The following KNTC1 variants were observed in gnomAD, a reference collection of about 807,000 sequenced individuals.
KNTC1 encodes the protein kinetochore-associated protein 1.
KNTC1 carries 253 observed loss-of-function variants against 314.4 expected under a neutral mutation model. The observed-to-expected ratio is 0.80, with a 90% confidence interval of 0.73 to 0.89. The LOEUF (loss-of-function observed/expected upper bound fraction) is 0.89, where lower values mean the gene tolerates loss of function less well. Among genes scored for constraint, KNTC1 ranks in the 40% least tolerant of loss-of-function variants. KNTC1 has a pLI of 0.00. For synonymous variants in KNTC1, 901 were observed against 901.4 expected (o/e 1.00, Z 0.01); for missense variants, 2,475 against 2,572.9 (o/e 0.96, Z 0.82).
chr12:122,591,362 T>G lies in KNTC1; in HGVS notation c.4154T>G (p.Leu1385Arg), dbSNP rs540063427. Residue 1385 changes from leucine (L) to arginine (R), a missense_variant, in exon 42 of 64, where the codon CTG becomes CGG. Leu to Arg is a moderately radical substitution (Grantham distance 102, BLOSUM62 -2). Coordinates refer to ENST00000333479, the MANE Select transcript of KNTC1 (RefSeq NM_014708.6). Reference protein sequence around the residue: ...ILAISLVGSELASLYQEIEMG... With the variant: ...ILAISLVGSERASLYQEIEMG... ...GCAATATCTCTGGTGGGCTCTGAGC[T>G]GGCAAGTCTCTATCAGGAAATAGAA... The G allele has an allele frequency of 6.2e-7, 1 of 1,609,362 alleles. No homozygotes were observed. The highest frequency in any genetic ancestry group is 1.7e-5 in the Admixed American group (1 of 59,970).
At chr12:122,585,496 C>T in intron 36 of KNTC1, 140 bp from the exon 37 acceptor site, 4 of 836,472 alleles carry the variant, frequency 4.8e-6, no homozygotes, top group South Asian at 3.7e-5. Context: ...AAACATTGGG[C>T]CTCCAGCAAG....
Position 122,620,614 on chromosome 12 carries a change from G to A in KNTC1, c.6279+6G>A, listed in dbSNP as rs375050107. 6.5e-5 allele frequency: 104 copies of A among 1,612,238 alleles called. No homozygotes were observed. In the African/African-American group the frequency reaches 7.6e-4, roughly 12 times the overall value. Reference sequence around the variant, plus strand: ...AAAGACACCAGCAAATTAAGGTATCGTGCACATGATTCCTCTGGGCTGCCA... The same window carrying A: ...AAAGACACCAGCAAATTAAGGTATCATGCACATGATTCCTCTGGGCTGCCA... On this transcript the variant is annotated splice_donor_region_variant and intron_variant, in intron 60 of 63. Transcript: ENST00000333479.
chr12:122,541,933 T>G, intron 5 of KNTC1, 117 bp from the exon 6 acceptor site: 1 of 942,588 alleles, frequency 1.1e-6, no homozygotes, highest in African/African-American at 1.7e-5. Context: ...GCAGGAGAAT[T>G]GCACCCTAGA....
chr12:122,557,703 T>G lies in KNTC1; in HGVS notation c.1488+14T>G. The G allele has an allele frequency of 6.3e-7, 1 of 1,597,598 alleles. No individual in the cohort carries two copies. The highest frequency in any genetic ancestry group is 8.6e-7 in the Non-Finnish European group (1 of 1,169,228). On this transcript the variant is annotated intron_variant, in intron 18 of 63. Transcript: ENST00000333479. ...GCCAAAACCAGGGTAGGTTCGTTTTTTTGTATTTTGTTTTTTTGGGGCAGG... is the reference window on the plus strand; with the variant it reads ...GCCAAAACCAGGGTAGGTTCGTTTTGTTGTATTTTGTTTTTTTGGGGCAGG...
At position 122,584,454 on chromosome 12, in the gene KNTC1, A is replaced by G. The variant is rs1868940105; in HGVS notation, c.3436+4A>G. 1 of 1,594,916 alleles carries G rather than the reference A, an allele frequency of 6.3e-7. No individual in the cohort carries two copies. Among genetic ancestry groups the G allele is most frequent in the Non-Finnish European group, 8.6e-7 (1 of 1,169,240 alleles). ...GCTGCCACCATTTGCAGTCCAGGTG[A>G]CAATATTTATAATATACGTAGTTTT... On this transcript the variant is annotated splice_donor_region_variant and intron_variant, in intron 35 of 63. Coordinates refer to ENST00000333479, the MANE Select transcript of KNTC1 (RefSeq NM_014708.6).
intron 51 of KNTC1, 64 bp downstream of exon 51, chr12:122,605,479 C>A: frequency 1.3e-6 from 1 of 763,934 alleles, no homozygotes; most frequent in Non-Finnish European, 2.2e-6. Context: ...TTCTCAAAGG[C>A]TAAATATTTA....
chr12:122,568,477 A>G lies in KNTC1; in HGVS notation c.1716+105A>G, dbSNP rs114635520. 3.2e-3 allele frequency: 2,363 copies of G among 747,532 alleles called. 42 individuals are homozygous for G. In the African/African-American group the frequency reaches 0.038, roughly 12 times the overall value. 46.3% of individuals were successfully genotyped at this position (747,532 alleles called of 1,614,324 possible). ...GGTGCAAGTCTGACTGGGTGATGGG[A>G]TGTTTTTTGATTGGTTCTTAAAATA... On this transcript the variant is annotated intron_variant, in intron 21 of 63. Transcript: ENST00000333479.
At chr12:122,541,762 T>G (rs1339022875) in intron 5 of KNTC1, among the ~76,000 whole-genome samples, 3 of 151,970 alleles carry the variant, frequency 2.0e-5, no homozygotes, top group Non-Finnish European at 4.4e-5. Flanking sequence ...GGCTCAGGCC[T>G]GTAATCCCAG....
At chr12:122,615,978 A>G (rs543318126) in intron 57 of KNTC1, among the ~76,000 whole-genome samples, 2 of 152,256 alleles carry the variant, frequency 1.3e-5, no homozygotes, top group East Asian at 1.9e-4. Flanking sequence ...TTTTGTCACC[A>G]TATAATTAGT....
intron 35 of KNTC1, 28 bp from the exon 36 acceptor site, chr12:122,584,865 T>C: frequency 1.8e-6 from 2 of 1,119,268 alleles, no homozygotes; most frequent in Non-Finnish European, 2.7e-6. Context: ...AAATATGAGT[T>C]TAATGATTTT....
Position 122,606,307 on chromosome 12 carries a change from G to A in KNTC1, c.5496+892G>A, listed in dbSNP as rs574415277. On this transcript the variant is annotated intron_variant, in intron 51 of 63. Transcript: ENST00000333479. ...CAGTGGCGTGATCTCAGCAACCTCTGCCGAGGTTCAAGAGATTCTCCCTCC... is the reference window on the plus strand; with the variant it reads ...CAGTGGCGTGATCTCAGCAACCTCTACCGAGGTTCAAGAGATTCTCCCTCC... Among the ~76,000 whole-genome samples the A allele has an allele frequency of 1.2e-4, 16 of 138,634 alleles. No homozygotes were observed. In the East Asian group the frequency reaches 1.7e-3, roughly 15 times the overall value. 90.9% of individuals were successfully genotyped at this position (138,634 alleles called of 152,430 possible).
intron 51 of KNTC1, among the ~76,000 whole-genome samples, chr12:122,607,522 C>T (rs1593671396): frequency 6.6e-6 from 1 of 152,278 alleles, no homozygotes; most frequent in Non-Finnish European, 1.5e-5. Flanking sequence ...TTATTTTTAG[C>T]ATCATACTGC....
At chr12:122,555,010 A>G (rs779333817) in intron 16 of KNTC1, among the ~76,000 whole-genome samples, 1 of 146,508 alleles carries the variant, frequency 6.8e-6, no homozygotes, top group Non-Finnish European at 1.5e-5. Context: ...ACACCGCTGC[A>G]TTTTAGCCTG....
At chr12:122,569,076 T>A (rs1964521664) in intron 21 of KNTC1, among the ~76,000 whole-genome samples, 1 of 152,124 alleles carries the variant, frequency 6.6e-6, no homozygotes, top group Non-Finnish European at 1.5e-5. Context: ...ATAGGCTTAA[T>A]AGCTGGGTGA....
chr12:122,605,521 G>T (rs1399597395), intron 51 of KNTC1, 106 bp downstream of exon 51: 1 of 586,152 alleles, frequency 1.7e-6, no homozygotes, highest in South Asian at 2.6e-5. Context: ...AATTAGGAGC[G>T]CAGACTCTTC....
At chr12:122,536,588 C>T (rs1961858092) in intron 3 of KNTC1, among the ~76,000 whole-genome samples, 1 of 150,742 alleles carries the variant, frequency 6.6e-6, no homozygotes, top group Non-Finnish European at 1.5e-5. Context: ...GGTGCTCTCT[C>T]AGCTCACTGC....
intron 1 of KNTC1, among the ~76,000 whole-genome samples, chr12:122,528,366 T>C (rs1344188159): frequency 6.6e-6 from 1 of 152,260 alleles, no homozygotes; most frequent in Non-Finnish European, 1.5e-5. Context: ...TATAAAACTA[T>C]GATCTTCAAT....
At position 122,546,169 on chromosome 12, in the gene KNTC1, T is replaced by C. The variant is rs1466442423; in HGVS notation, c.670-7T>C. The C allele has an allele frequency of 1.9e-6, 3 of 1,588,402 alleles. No homozygotes were observed. On this transcript the variant is annotated splice_polypyrimidine_tract_variant and splice_region_variant and intron_variant, in intron 8 of 63. Transcript: ENST00000333479. Reference sequence around the variant, plus strand: ...TTGCATTTTAAGTACTGTGTTCATTTTTCCAGGGAACCGGTAATTGTGCAT... The same window carrying C: ...TTGCATTTTAAGTACTGTGTTCATTCTTCCAGGGAACCGGTAATTGTGCAT...
chr12:122,576,780 T>G, intron 29 of KNTC1, 115 bp from the exon 30 acceptor site: 2 of 599,356 alleles, frequency 3.3e-6, no homozygotes, highest in Non-Finnish European at 5.6e-6. Flanking sequence ...TTTCATACAA[T>G]TTAGTTTTTT....
Sources: allele counts gnomAD v4.1 joint callset (sites outside exome capture counted in the v4.1 genomes callset), GRCh38; gene constraint gnomAD v4.1.1; transcripts MANE v1.5; gene names NCBI Gene and HGNC (gene_info 2026-07-23, HGNC 2026-07-21).